The following CDC6 variants were observed in gnomAD, a reference collection of about 807,000 sequenced individuals.
The protein encoded by CDC6 is DNA replication factor CDC6.
CDC6 carries 46 observed loss-of-function variants against 60.2 expected under a neutral mutation model. That is an observed-to-expected ratio of 0.76 (90% CI 0.60 to 0.98). The LOEUF is 0.98. Among genes scored for constraint, CDC6 ranks in the 50% least tolerant of loss-of-function variants. The pLI is 0.00. For missense variants in CDC6, 596 were observed against 652.9 expected, an observed-to-expected ratio of 0.91 and a Z score of 0.95; for synonymous variants, 210 against 233.2, an observed-to-expected ratio of 0.90 and a Z score of 0.90.
At position 40,293,463 on chromosome 17, in the gene CDC6, T is replaced by A. The variant is rs764309883; in HGVS notation, c.668T>A (p.Leu223Gln). The A allele has an allele frequency of 3.7e-6, 6 of 1,613,802 alleles. No individual in the cohort carries two copies. In the African/African-American group the frequency reaches 8.0e-5, roughly 22 times the overall value. The change falls in exon 5 of 12, where the codon CTG becomes CAG. Residue 223 changes from leucine to glutamine, a missense_variant. Transcript: ENST00000209728. ...SRILQDLKKE[L>Q]KGFKTIMLNC... ...TTGCATTTTTTTTTCCAGAAGGAAC[T>A]GAAAGGCTTTAAAACTATCATGCTG...
intron 6 of CDC6, 62 bp downstream of exon 6, chr17:40,294,118 C>A: frequency 7.7e-7 from 1 of 1,291,690 alleles, no homozygotes. Flanking sequence ...AATATATATT[C>A]AGCTTATTTA....
intron 1 of CDC6, 190 bp from the exon 2 acceptor site, chr17:40,289,218 A>G: frequency 1.8e-6 from 1 of 570,640 alleles, no homozygotes; most frequent in Non-Finnish European, 3.1e-6. Flanking sequence ...CCTTCCACGT[A>G]GTAGGTAGAC....
chr17:40,289,637 G>T, intron 2 of CDC6, 39 bp downstream of exon 2: 1 of 1,540,466 alleles, frequency 6.5e-7, no homozygotes, highest in Non-Finnish European at 9.0e-7. Flanking sequence ...CTAGCAGCTC[G>T]TGACCTTTCT....
In CDC6 at chr17:40,304,199, C is replaced by G. The variant is rs915787620; in HGVS notation, c.*2198C>G. ...TGTCAATTTCTAGGTCATTGCTGCT[C>G]TTAAGACTTTAGCAGTTGGAACAGG... On this transcript the variant is annotated 3_prime_UTR_variant, in exon 12 of 12. Coordinates refer to ENST00000209728, the MANE Select transcript of CDC6 (RefSeq NM_001254.4). The G allele has an allele frequency of 1.3e-5, 2 of 152,256 alleles. No individual in the cohort carries two copies. The highest frequency in any genetic ancestry group is 4.8e-5 in the African/African-American group (2 of 41,464). The allele number at this position is 152,256 out of a possible 1,614,324, so 9.4% of individuals were successfully genotyped here.
rs760171810 is a variant in CDC6, at chr17:40,296,764, G to A, written c.1246G>A (p.Glu416Lys). 6.3e-7 allele frequency: 1 copy of A among 1,585,532 alleles called. No homozygotes were observed. The highest frequency in any genetic ancestry group is 1.7e-5 in the Admixed American group (1 of 59,990). ...CCAGACTATTCTCAAACCACTGTCT[G>A]AATGTAAGTAGTTTATCTCCTTCCT... is the stretch of plus-strand genomic sequence containing the variant. Reference protein sequence around the residue: ...KSQTILKPLSECKSPSEPLIP... With the variant: ...KSQTILKPLSKCKSPSEPLIP... The change falls in exon 9 of 12, where the codon GAA becomes AAA. Residue 416 changes from glutamate (E) to lysine (K), a missense_variant. Transcript: ENST00000209728.
At chr17:40,295,723 C>T (rs2032849199) in intron 8 of CDC6, among the ~76,000 whole-genome samples, 1 of 152,102 alleles carries the variant, frequency 6.6e-6, no homozygotes, top group African/African-American at 2.4e-5. Flanking sequence ...TGGTTAATTA[C>T]ATTTGTATTA....
chr17:40,294,510 G>A lies in CDC6; in HGVS notation c.1083+7G>A. 6.2e-7 allele frequency: 1 copy of A among 1,613,726 alleles called. No individual in the cohort carries two copies. Among genetic ancestry groups the A allele is most frequent in the East Asian group, 2.2e-5 (1 of 44,868 alleles). ...GCAAGATCGACTTAATCAGGTCAGT[G>A]CCAACTATTTTGCCAAATTATGTGT... On this transcript the variant is annotated splice_region_variant and intron_variant, in intron 7 of 11. Coordinates refer to ENST00000209728, the MANE Select transcript of CDC6 (RefSeq NM_001254.4).
At chr17:40,292,492 G>A (rs760319042) in intron 4 of CDC6, among the ~76,000 whole-genome samples, 7 of 151,956 alleles carry the variant, frequency 4.6e-5, no homozygotes, top group African/African-American at 1.4e-4. Flanking sequence ...AAAATTAGCC[G>A]GGCATGGTGG....
intron 3 of CDC6, 53 bp from the exon 4 acceptor site, chr17:40,291,416 G>C: frequency 1.2e-6 from 2 of 1,611,546 alleles, no homozygotes; most frequent in Non-Finnish European, 1.7e-6. Flanking sequence ...CACCCACTGG[G>C]TCTTCTCATT....
At chr17:40,293,431 C>T (rs1364448402) in intron 4 of CDC6, 25 bp from the exon 5 acceptor site, 1 of 1,604,362 alleles carries the variant, frequency 6.2e-7, no homozygotes, top group South Asian at 1.1e-5. Context: ...CAAAATAACT[C>T]CCATATTTGC....
intron 1 of CDC6, chr17:40,289,076 A>G (rs2032709988): frequency 3.1e-6 from 1 of 321,038 alleles, no homozygotes; most frequent in Non-Finnish European, 6.0e-6. Flanking sequence ...CCGGGGTTAC[A>G]TTCCTGTTTT....
At chr17:40,290,413 AGAC>A (rs1335426232) in intron 2 of CDC6, among the ~76,000 whole-genome samples, 3 of 152,154 alleles carry the variant, frequency 2.0e-5, no homozygotes, top group Non-Finnish European at 4.4e-5. Flanking sequence ...GGATGCTGCT[AGAC>A]ATTACAATGC....
intron 4 of CDC6, 141 bp downstream of exon 4, chr17:40,291,809 G>A (rs533518380): frequency 1.9e-5 from 16 of 829,816 alleles, no homozygotes; most frequent in South Asian, 2.9e-5. Flanking sequence ...GCAGTGGCGC[G>A]ATCTCGGCTC....
chr17:40,289,883 T>C (rs2032727202), intron 2 of CDC6, among the ~76,000 whole-genome samples: 1 of 150,250 alleles, frequency 6.7e-6, no homozygotes, highest in South Asian at 2.1e-4. Flanking sequence ...TAATTTTTTT[T>C]TTTTTTTTTT....
At chr17:40,296,570 T>C in intron 8 of CDC6, 133 bp from the exon 9 acceptor site, 18 of 675,414 alleles carry the variant, frequency 2.7e-5, no homozygotes, top group Non-Finnish European at 3.8e-5. Flanking sequence ...GGCTAAACCA[T>C]GTTAGCCTAC....
Position 40,301,990 on chromosome 17 carries a change from G to A in CDC6, c.1672G>A (p.Gly558Arg), listed in dbSNP as rs939825269. 6.3e-7 allele frequency: 1 copy of A among 1,576,810 alleles called. No individual in the cohort carries two copies. The highest frequency in any genetic ancestry group is 8.7e-7 in the Non-Finnish European group (1 of 1,146,126). ...KALIGNILAT[G>R]LP ...TTTAATTGGAAATATCTTAGCTACTGGATTGCCTTAAATTCTTCTCTTACA... is the reference window on the plus strand; with the variant it reads ...TTTAATTGGAAATATCTTAGCTACTAGATTGCCTTAAATTCTTCTCTTACA... Residue 558 changes from glycine (G) to arginine (R), a missense_variant, in exon 12 of 12, where the codon GGA (glycine) becomes AGA (arginine). By Grantham distance (125) the Gly-to-Arg change is moderately radical. Transcript: ENST00000209728.
At chr17:40,289,000 C>T (rs1191108600) in intron 1 of CDC6, among the ~76,000 whole-genome samples, 1 of 152,230 alleles carries the variant, frequency 6.6e-6, no homozygotes, top group African/African-American at 2.4e-5. Flanking sequence ...CGCGCCCGGC[C>T]CATTTCAGGT....
At chr17:40,294,151 G>A in intron 6 of CDC6, 95 bp downstream of exon 6, 1 of 1,086,488 alleles carries the variant, frequency 9.2e-7, no homozygotes, top group South Asian at 1.3e-5. Flanking sequence ...TCTTAAACCA[G>A]CTTTCTGCCG....
Position 40,292,695 on chromosome 17 carries a change from C to T in CDC6, c.661-761C>T, listed in dbSNP as rs376397063. Among the ~76,000 whole-genome samples the T allele has an allele frequency of 1.2e-4, 18 of 150,512 alleles. No homozygotes were observed. In the East Asian group the frequency reaches 1.8e-3, roughly 15 times the overall value. Reference sequence around the variant, plus strand: ...CTATAATCCCAGCACTTTGGGAGGCCGAGGCGGGCGGATCATGAGGTTAGG... The same window carrying T: ...CTATAATCCCAGCACTTTGGGAGGCTGAGGCGGGCGGATCATGAGGTTAGG... On this transcript the variant is annotated intron_variant, in intron 4 of 11. Coordinates refer to ENST00000209728, the MANE Select transcript of CDC6 (RefSeq NM_001254.4).
Sources: gnomAD v4.1 joint callset for allele counts (sites outside exome capture counted in the v4.1 genomes callset) on GRCh38, gnomAD v4.1.1 for gene constraint, MANE v1.5 for transcripts, NCBI Gene and HGNC (gene_info 2026-07-23, HGNC 2026-07-21) for gene names.